Variants in PPP2R2B observed in about 807,000 individuals in gnomAD.
PPP2R2B encodes protein phosphatase 2 regulatory subunit Bbeta.
PPP2R2B carries 5 observed loss-of-function variants against 46.0 expected under a neutral mutation model. The observed-to-expected ratio is 0.11, with a 90% CI of 0.06 to 0.23. The LOEUF (loss-of-function observed/expected upper bound fraction) is 0.23, where lower values mean the gene tolerates loss of function less well. Ranked by LOEUF, PPP2R2B falls within the 10% of genes least tolerant of loss-of-function variation. The pLI, the probability that PPP2R2B is intolerant of heterozygous loss-of-function variation, is 1.00. For synonymous variants in PPP2R2B, 215 were observed against 206.7 expected (o/e 1.04, Z -0.34); for missense variants, 367 against 575.0 (o/e 0.64, Z 3.70).
chr5:146,655,524 C>T (rs1157975498), intron 5 of PPP2R2B, among the ~76,000 whole-genome samples: 6 of 152,118 alleles, frequency 3.9e-5, no homozygotes, highest in East Asian at 1.9e-4. Flanking sequence ...GAATTTTCAT[C>T]GCTATCCTAT....
At chr5:146,895,298 G>T (rs948087433) in intron 1 of PPP2R2B, among the ~76,000 whole-genome samples, 2 of 152,122 alleles carry the variant, frequency 1.3e-5, no homozygotes, top group Non-Finnish European at 2.9e-5. Flanking sequence ...AGACAAGTCG[G>T]CCCCCTGCCA....
chr5:146,843,294 T>G (rs943589103), intron 2 of PPP2R2B, among the ~76,000 whole-genome samples: 1 of 152,238 alleles, frequency 6.6e-6, no homozygotes, highest in African/African-American at 2.4e-5. Flanking sequence ...TGAGTATCAT[T>G]GTAGCCTACT....
chr5:147,050,439 A>G (rs974482250), intron 1 of PPP2R2B, among the ~76,000 whole-genome samples: 4 of 152,190 alleles, frequency 2.6e-5, no homozygotes, highest in African/African-American at 4.8e-5. Flanking sequence ...GACTGAGAAG[A>G]GAATTTCAAA....
At chr5:146,929,585 A>G (rs1012898633) in intron 1 of PPP2R2B, among the ~76,000 whole-genome samples, 2 of 152,202 alleles carry the variant, frequency 1.3e-5, no homozygotes, top group African/African-American at 2.4e-5. Flanking sequence ...ATCTTGGTCA[A>G]TCATGGGGTA....
intron 1 of PPP2R2B, among the ~76,000 whole-genome samples, chr5:146,949,621 A>G (rs1205436696): frequency 2.0e-5 from 3 of 152,082 alleles, no homozygotes; most frequent in East Asian, 3.9e-4. Context: ...TCCTCAAAAA[A>G]CTAAAAATAG....
intron 2 of PPP2R2B, among the ~76,000 whole-genome samples, chr5:146,795,679 C>A (rs928475523): frequency 1.4e-4 from 22 of 152,034 alleles, no homozygotes; most frequent in Non-Finnish European, 2.8e-4. Context: ...ACAGAAAAAA[C>A]CACAAAACAT....
At chr5:146,979,965 C>A (rs1055728678) in intron 1 of PPP2R2B, among the ~76,000 whole-genome samples, 5 of 152,112 alleles carry the variant, frequency 3.3e-5, no homozygotes, top group Non-Finnish European at 5.9e-5. Context: ...TGTATATATA[C>A]AAACACATAT....
At chr5:146,701,950 T>C (rs751570187) in intron 2 of PPP2R2B, among the ~76,000 whole-genome samples, 30 of 151,884 alleles carry the variant, frequency 2.0e-4, no homozygotes, top group Non-Finnish European at 3.4e-4. Flanking sequence ...AAATTACCTA[T>C]GATTGGATTT....
At chr5:146,904,275 G>A (rs913274409) in intron 1 of PPP2R2B, among the ~76,000 whole-genome samples, 1 of 152,166 alleles carries the variant, frequency 6.6e-6, no homozygotes, top group Admixed American at 6.5e-5. Context: ...GTTCCTAAAA[G>A]TATGAAAGGT....
At chr5:146,836,543 G>A (rs747633418) in intron 2 of PPP2R2B, among the ~76,000 whole-genome samples, 5 of 152,178 alleles carry the variant, frequency 3.3e-5, no homozygotes, top group Non-Finnish European at 7.3e-5. Context: ...GCTTTTCCGG[G>A]ATGAATACTT....
chr5:146,943,295 C>T (rs1416625176), intron 1 of PPP2R2B, among the ~76,000 whole-genome samples: 2 of 152,080 alleles, frequency 1.3e-5, no homozygotes, highest in African/African-American at 2.4e-5. Flanking sequence ...TCCTGTTTGC[C>T]TTTCCAAGAG....
chr5:147,049,217 T>C (rs1169276214), intron 1 of PPP2R2B, among the ~76,000 whole-genome samples: 11 of 152,064 alleles, frequency 7.2e-5, no homozygotes, highest in African/African-American at 2.7e-4. Context: ...TTCCTGATAT[T>C]TTTAGGAGGT....
intron 2 of PPP2R2B, chr5:146,706,595 C>A (rs1779871813): frequency 2.4e-6 from 2 of 830,918 alleles, no homozygotes; most frequent in South Asian, 2.6e-5. Context: ...CCTTAATGAC[C>A]AGCTCCCTGC....
chr5:146,846,651 C>T (rs952519556), intron 2 of PPP2R2B, among the ~76,000 whole-genome samples: 1 of 151,880 alleles, frequency 6.6e-6, no homozygotes, highest in African/African-American at 2.4e-5. Context: ...GCACTCGAGC[C>T]TGGGCAACAG....
At chr5:146,673,479 G>A (rs1035527496) in intron 5 of PPP2R2B, among the ~76,000 whole-genome samples, 4 of 55,220 alleles carry the variant, frequency 7.2e-5, no homozygotes, top group East Asian at 3.3e-4. Flanking sequence ...AACCTATTTA[G>A]AAGATTTTTT....
chr5:146,842,119 A>G (rs910169293), intron 2 of PPP2R2B, among the ~76,000 whole-genome samples: 10 of 152,078 alleles, frequency 6.6e-5, no homozygotes, highest in Non-Finnish European at 1.3e-4. Flanking sequence ...CCTCCCCTTA[A>G]AGTACTGCAC....
chr5:146,876,908 C>T (rs934243923), intron 2 of PPP2R2B, among the ~76,000 whole-genome samples: 1 of 152,200 alleles, frequency 6.6e-6, no homozygotes, highest in Admixed American at 6.5e-5. Context: ...CCCCCCATCA[C>T]ATTTCTCTAG....
At chr5:147,080,800 G>A (rs1253581870) in intron 2 of PPP2R2B, among the ~76,000 whole-genome samples, 1 of 152,060 alleles carries the variant, frequency 6.6e-6, no homozygotes, top group Admixed American at 6.6e-5. Context: ...AACAAGGCTT[G>A]CCTAGTTTAG....
In PPP2R2B at chr5:146,590,118, G is replaced by A; in HGVS notation, c.1161C>T (p.Ile387=). ...ASRENSKPRA[I]LKPRKVCVGG... ...CCACACACACTTTTCGGGGTTTGAGGATAGCCCGGGGCTTGCTGTTTTCCC... is the reference window on the plus strand; with the variant it reads ...CCACACACACTTTTCGGGGTTTGAGAATAGCCCGGGGCTTGCTGTTTTCCC... The change falls in exon 10 of 10, where the codon ATC becomes ATT. Residue 387 remains isoleucine, a synonymous_variant. Coordinates refer to ENST00000394411, the MANE Select transcript of PPP2R2B (RefSeq NM_181675.4). 2 of 1,614,102 alleles carry A rather than the reference G, an allele frequency of 1.2e-6. No homozygotes were observed. The highest frequency in any genetic ancestry group is 1.6e-4 in the Middle Eastern group (1 of 6,062).
Sources: gnomAD v4.1 joint callset for allele counts (sites outside exome capture counted in the v4.1 genomes callset) on GRCh38, gnomAD v4.1.1 for gene constraint, MANE v1.5 for transcripts, NCBI Gene and HGNC (gene_info 2026-07-23, HGNC 2026-07-21) for gene names.